Variants in LYPLAL1 observed in about 807,000 individuals in gnomAD.
LYPLAL1 encodes lysophospholipase-like protein 1.
LYPLAL1 carries 23 observed loss-of-function variants against 19.7 expected under a neutral mutation model. The ratio of observed to expected loss-of-function variants is 1.17; its 90% CI spans 0.84 to 1.65. The LOEUF (loss-of-function observed/expected upper bound fraction) is 1.65, where lower values mean the gene tolerates loss of function less well. LYPLAL1 is among the 40% of genes most tolerant of loss of function. The pLI is 0.00. For synonymous variants in LYPLAL1, 119 were observed against 96.3 expected, an observed-to-expected ratio of 1.24 and a Z score of -1.38; for missense variants, 355 against 279.4, an observed-to-expected ratio of 1.27 and a Z score of -1.93.
At chr1:219,301,682 A>G in the LYPLAL1 span, among the ~76,000 whole-genome samples, 9 of 152,174 alleles carry the variant, frequency 5.9e-5, no homozygotes, top group Non-Finnish European at 1.2e-4. Flanking sequence ...CCCCCCAGAA[A>G]ATATAACATA....
chr1:219,306,850 A>AGATAGAT, the LYPLAL1 span, among the ~76,000 whole-genome samples: 2 of 41,706 alleles, frequency 4.8e-5, no homozygotes, highest in South Asian at 1.3e-3. Flanking sequence ...ATAGATAGAT[A>AGATAGAT]GACAGACAGA....
the LYPLAL1 span, among the ~76,000 whole-genome samples, chr1:219,252,718 C>T: frequency 7.9e-5 from 12 of 152,050 alleles, no homozygotes; most frequent in African/African-American, 2.7e-4. Flanking sequence ...CATCATTGTT[C>T]ATCAAGGATA....
intron 3 of LYPLAL1, among the ~76,000 whole-genome samples, chr1:219,196,391 G>C (rs1657603984): frequency 6.6e-6 from 1 of 152,056 alleles, no homozygotes; most frequent in Non-Finnish European, 1.5e-5. Context: ...CACTCAGACT[G>C]GTATGAAATG....
chr1:219,255,117 TA>T, the LYPLAL1 span, among the ~76,000 whole-genome samples: 19 of 151,830 alleles, frequency 1.3e-4, no homozygotes, highest in Non-Finnish European at 2.4e-4. Context: ...AATTTCTATA[TA>T]AATATTGGAA....
At chr1:219,275,723 CTTTAA>C in the LYPLAL1 span, among the ~76,000 whole-genome samples, 5 of 151,820 alleles carry the variant, frequency 3.3e-5, no homozygotes, top group Admixed American at 1.3e-4. Context: ...AGTATTAAAA[CTTTAA>C]TATAGAGTTA....
the LYPLAL1 span, chr1:219,411,937 G>T: frequency 0.8 from 126,392 of 158,488 alleles, 50,828 homozygotes; most frequent in East Asian, 0.92. Context: ...AATCTTTTGC[G>T]TTCTACAAGA....
At chr1:219,312,316 C>T in the LYPLAL1 span, among the ~76,000 whole-genome samples, 2 of 152,104 alleles carry the variant, frequency 1.3e-5, no homozygotes, top group African/African-American at 4.8e-5. Context: ...TTGCCAGGGA[C>T]CTCAAGTATT....
chr1:219,400,777 G>A, the LYPLAL1 span, among the ~76,000 whole-genome samples: 11 of 152,166 alleles, frequency 7.2e-5, no homozygotes, highest in Admixed American at 2.6e-4. Context: ...CGGGATTATA[G>A]GCATGAGCCA....
the LYPLAL1 span, among the ~76,000 whole-genome samples, chr1:219,379,361 C>T: frequency 2.0e-5 from 3 of 152,280 alleles, no homozygotes; most frequent in African/African-American, 7.2e-5. Flanking sequence ...CTTCTGCCAC[C>T]TCAGACCAGA....
chr1:219,281,699 C>T, the LYPLAL1 span, among the ~76,000 whole-genome samples: 1 of 152,152 alleles, frequency 6.6e-6, no homozygotes, highest in Non-Finnish European at 1.5e-5. Flanking sequence ...AGTGTCTCGC[C>T]TCAATCATAC....
intron 1 of LYPLAL1, among the ~76,000 whole-genome samples, chr1:219,175,531 T>C (rs1655741144): frequency 1.3e-5 from 2 of 152,200 alleles, no homozygotes; most frequent in Non-Finnish European, 2.9e-5. Flanking sequence ...TTAAAATAAT[T>C]ATCCTTTTTT....
At chr1:219,388,361 G>A in the LYPLAL1 span, among the ~76,000 whole-genome samples, 3 of 152,128 alleles carry the variant, frequency 2.0e-5, no homozygotes, top group African/African-American at 4.8e-5. Context: ...CCATGTTTTG[G>A]TTTCATTCAC....
At chr1:219,272,769 G>C in the LYPLAL1 span, 87 of 150,094 alleles carry the variant, frequency 5.8e-4, no homozygotes, top group African/African-American at 2.1e-3. Context: ...AACGGAGCAA[G>C]ACTCTTAAAA....
At chr1:219,369,376 A>G in the LYPLAL1 span, among the ~76,000 whole-genome samples, 4 of 152,216 alleles carry the variant, frequency 2.6e-5, no homozygotes, top group Admixed American at 1.3e-4. Context: ...GGTTCAAGCA[A>G]TTCTCCTGCC....
the LYPLAL1 span, among the ~76,000 whole-genome samples, chr1:219,400,076 A>G: frequency 2.6e-5 from 4 of 151,994 alleles, no homozygotes; most frequent in Non-Finnish European, 5.9e-5. Flanking sequence ...CCACTCACCT[A>G]TTTCCCCAGA....
At chr1:219,185,665 T>C (rs1466155635) in intron 2 of LYPLAL1, among the ~76,000 whole-genome samples, 1 of 151,890 alleles carries the variant, frequency 6.6e-6, no homozygotes, top group Non-Finnish European at 1.5e-5. Context: ...AACTTGAAGA[T>C]TGGTAATGAC....
the LYPLAL1 span, among the ~76,000 whole-genome samples, chr1:219,235,218 A>G: frequency 1.3e-5 from 2 of 152,240 alleles, no homozygotes; most frequent in Non-Finnish European, 2.9e-5. Context: ...TAACCATACT[A>G]TTAAATCACA....
At chr1:219,204,116 C>A (rs1658348867) in intron 3 of LYPLAL1, among the ~76,000 whole-genome samples, 1 of 152,122 alleles carries the variant, frequency 6.6e-6, no homozygotes, top group African/African-American at 2.4e-5. Context: ...GATCCTCACT[C>A]TGCACATTAG....
At chr1:219,174,035 T>A in intron 1 of LYPLAL1, 54 bp downstream of exon 1, 1 of 1,610,582 alleles carries the variant, frequency 6.2e-7, no homozygotes, top group Non-Finnish European at 8.5e-7. Context: ...CATCCTCCCC[T>A]CGGTTACCCC....
Sources: allele counts gnomAD v4.1 joint callset (sites outside exome capture counted in the v4.1 genomes callset), GRCh38; gene constraint gnomAD v4.1.1; transcripts MANE v1.5; gene names NCBI Gene and HGNC (gene_info 2026-07-23, HGNC 2026-07-21).